ASCC3: variants seen among roughly 807,000 people sequenced by gnomAD.
ASCC3 encodes ASC-1 complex subunit P200.
In ASCC3, 158 loss-of-function variants were observed where a neutral mutation model predicts 256.3. The ratio of observed to expected loss-of-function variants is 0.62; its 90% CI spans 0.54 to 0.70. The LOEUF (loss-of-function observed/expected upper bound fraction) is 0.70, where lower values mean the gene tolerates loss of function less well. Among genes scored for constraint, ASCC3 ranks in the 30% least tolerant of loss-of-function variants. The pLI is 0.00. For synonymous variants in ASCC3, 948 were observed against 883.4 expected (o/e 1.07, Z -1.30); for missense variants, 2,259 against 2,626.0 (o/e 0.86, Z 3.05).
intron 14 of ASCC3, among the ~76,000 whole-genome samples, chr6:100,675,176 T>G (rs1481097181): frequency 6.6e-6 from 1 of 150,802 alleles, no homozygotes; most frequent in Non-Finnish European, 1.5e-5. Context: ...TAAAAAATAC[T>G]AATACACTTT....
intron 30 of ASCC3, among the ~76,000 whole-genome samples, chr6:100,620,979 A>C (rs932158681): frequency 6.6e-6 from 1 of 152,226 alleles, no homozygotes; most frequent in African/African-American, 2.4e-5. Flanking sequence ...AAACCCTCTG[A>C]AATTTTCATT....
intron 36 of ASCC3, among the ~76,000 whole-genome samples, chr6:100,573,436 G>C (rs987134453): frequency 6.6e-6 from 1 of 151,978 alleles, no homozygotes; most frequent in African/African-American, 2.4e-5. Context: ...ACTTTATTGG[G>C]ATGAAATTAG....
chr6:100,792,410 C>T (rs1317747642), intron 8 of ASCC3, among the ~76,000 whole-genome samples: 3 of 151,978 alleles, frequency 2.0e-5, no homozygotes, highest in Non-Finnish European at 4.4e-5. Flanking sequence ...TCCTGGCACT[C>T]TCCACATATG....
In ASCC3 at chr6:100,712,418, C is replaced by A. The variant is rs181667138; in HGVS notation, c.2151+3044G>T. 2.4e-3 allele frequency among the ~76,000 whole-genome samples: 367 copies of A among 152,178 alleles called. 2 individuals are homozygous for A. The highest frequency in any genetic ancestry group is 8.3e-3 in the African/African-American group (345 of 41,534). On this transcript the variant is annotated intron_variant, in intron 13 of 41. Transcript: ENST00000369162. ...TATACAAAGAACTCTTAAAACCCAA[C>A]AATAAGAAAATGAACCACCTGGTTA...
At chr6:100,687,272 G>C (rs1777620856) in intron 13 of ASCC3, among the ~76,000 whole-genome samples, 1 of 152,004 alleles carries the variant, frequency 6.6e-6, no homozygotes, top group Non-Finnish European at 1.5e-5. Context: ...GATTTGGTGG[G>C]GGATGGGGGA....
At chr6:100,792,580 A>G (rs550999702) in intron 8 of ASCC3, among the ~76,000 whole-genome samples, 3 of 152,054 alleles carry the variant, frequency 2.0e-5, no homozygotes, top group Non-Finnish European at 4.4e-5. Flanking sequence ...CTAGTGCTAT[A>G]AATTATTTTT....
intron 25 of ASCC3, among the ~76,000 whole-genome samples, chr6:100,634,262 T>C (rs1389272233): frequency 2.0e-5 from 3 of 152,158 alleles, no homozygotes; most frequent in Admixed American, 6.5e-5. Flanking sequence ...ACCTTCAATA[T>C]CCTTCTTCTA....
rs528680452 is a variant in ASCC3, at chr6:100,568,944, A to AT, written c.5550+20689dup. ...GGGCACCCGCCACCATGCCCAGCTAATTTTTTTTGTGTTTTTAGTAGAGAC... is the reference window on the plus strand; with the variant it reads ...GGGCACCCGCCACCATGCCCAGCTAATTTTTTTTTGTGTTTTTAGTAGAGAC... On this transcript the variant is annotated intron_variant, in intron 36 of 41. Coordinates refer to ENST00000369162, the MANE Select transcript of ASCC3 (RefSeq NM_006828.4). 5.8e-3 allele frequency among the ~76,000 whole-genome samples: 879 copies of AT among 150,924 alleles called. 4 individuals carry two copies. Among genetic ancestry groups the AT allele is most frequent in the African/African-American group, 7.6e-3 (314 of 41,194 alleles).
chr6:100,700,724 TG>T (rs1159750468), intron 13 of ASCC3, among the ~76,000 whole-genome samples: 2 of 152,242 alleles, frequency 1.3e-5, no homozygotes, highest in South Asian at 2.1e-4. Context: ...ACTGCCCCAC[TG>T]GATTTTGGAC....
At chr6:100,554,279 G>C (rs76175301) in intron 36 of ASCC3, among the ~76,000 whole-genome samples, 241 of 152,146 alleles carry the variant, frequency 1.6e-3, no homozygotes, top group Non-Finnish European at 3.0e-3. Flanking sequence ...TTTTCTTCCA[G>C]GTACAGTAAC....
At chr6:100,588,103 G>T (rs1771799189) in intron 36 of ASCC3, among the ~76,000 whole-genome samples, 2 of 152,138 alleles carry the variant, frequency 1.3e-5, no homozygotes, top group Admixed American at 6.6e-5. Context: ...TCTGGTGCTA[G>T]ACTGCAAACC....
intron 2 of ASCC3, among the ~76,000 whole-genome samples, chr6:100,866,877 C>CA (rs1425801170): frequency 6.6e-6 from 1 of 152,190 alleles, no homozygotes; most frequent in African/African-American, 2.4e-5. Context: ...TAATATACCA[C>CA]ATTCAGAGAC....
At chr6:100,678,972 A>T (rs1032340030) in intron 14 of ASCC3, among the ~76,000 whole-genome samples, 1 of 152,214 alleles carries the variant, frequency 6.6e-6, no homozygotes, top group African/African-American at 2.4e-5. Context: ...ATAAATCTTA[A>T]AATACTACCA....
intron 12 of ASCC3, among the ~76,000 whole-genome samples, chr6:100,717,181 T>C (rs558417814): frequency 7.9e-5 from 12 of 151,976 alleles, no homozygotes; most frequent in Non-Finnish European, 1.6e-4. Flanking sequence ...ACATTAACTG[T>C]TGTATTATGG....
chr6:100,633,132 G>A (rs753183896), intron 25 of ASCC3, among the ~76,000 whole-genome samples: 2 of 152,020 alleles, frequency 1.3e-5, no homozygotes, highest in African/African-American at 2.4e-5. Context: ...GTCAATTGTG[G>A]TCCAAAAATG....
chr6:100,561,974 T>C (rs1769978901), intron 36 of ASCC3, among the ~76,000 whole-genome samples: 1 of 152,106 alleles, frequency 6.6e-6, no homozygotes, highest in Non-Finnish European at 1.5e-5. Context: ...AAACAACGAA[T>C]AGAACATAAG....
chr6:100,715,760 A>G (rs1047117453), intron 12 of ASCC3, among the ~76,000 whole-genome samples: 13 of 151,942 alleles, frequency 8.6e-5, no homozygotes, highest in African/African-American at 2.9e-4. Context: ...TCTGAGTACT[A>G]ACTTTCTAAA....
rs1286501150 is a variant in ASCC3, at chr6:100,607,002, A to C, written c.4872T>G (p.His1624Gln). 6.2e-7 allele frequency: 1 copy of C among 1,613,612 alleles called. No homozygotes were observed. Among genetic ancestry groups the C allele is most frequent in the Non-Finnish European group, 8.5e-7 (1 of 1,179,828 alleles). The change falls in exon 31 of 42, where the codon CAT (histidine) becomes CAG (glutamine). Residue 1624 changes from histidine (H) to glutamine (Q), a missense_variant. Physicochemically the swap from His to Gln is conservative, Grantham distance 24 (BLOSUM62 0). Transcript: ENST00000369162. ...CCTCTACTGTTTTTCGGTCCCTCTC[A>C]TGTAGTCCAGCATGATGCATTCCTA... ...FGIGMHHAGL[H>Q]ERDRKTVEEL...
chr6:100,540,405 C>G lies in ASCC3; in HGVS notation c.5551-18G>C. The G allele has an allele frequency of 7.1e-7, 1 of 1,399,104 alleles. No homozygotes were observed. The highest frequency in any genetic ancestry group is 1.0e-6 in the Non-Finnish European group (1 of 988,760). 86.7% of individuals were successfully genotyped at this position (1,399,104 alleles called of 1,614,324 possible). Reference sequence around the variant, plus strand: ...TCTGCATCCTGAAAAAAAAAAAAAGCCCCACATTGTTGGATCAAAGTATAA... The same window carrying G: ...TCTGCATCCTGAAAAAAAAAAAAAGGCCCACATTGTTGGATCAAAGTATAA... On this transcript the variant is annotated intron_variant, in intron 36 of 41. Coordinates refer to ENST00000369162, the MANE Select transcript of ASCC3 (RefSeq NM_006828.4).
Sources: gnomAD v4.1 joint callset for allele counts (sites outside exome capture counted in the v4.1 genomes callset) on GRCh38, gnomAD v4.1.1 for gene constraint, MANE v1.5 for transcripts, NCBI Gene and HGNC (gene_info 2026-07-23, HGNC 2026-07-21) for gene names.